ROBO1: variants seen among roughly 807,000 people sequenced by gnomAD.
The protein encoded by ROBO1 is roundabout homolog 1.
A neutral mutation model predicts 195.9 loss-of-function variants in ROBO1; 149 were observed. The observed-to-expected ratio is 0.76, with a 90% CI of 0.67 to 0.87. The LOEUF (loss-of-function observed/expected upper bound fraction) is 0.87. Among genes scored for constraint, ROBO1 ranks in the 40% least tolerant of loss-of-function variants. The pLI, the probability that ROBO1 is intolerant of heterozygous loss-of-function variation, is 0.00. For missense variants in ROBO1, 1,933 were observed against 2,068.3 expected, an observed-to-expected ratio of 0.93 and a Z score of 1.27; for synonymous variants, 816 against 733.2, an observed-to-expected ratio of 1.11 and a Z score of -1.82.
intron 1 of ROBO1, among the ~76,000 whole-genome samples, chr3:79,745,827 C>T (rs1703851126): frequency 6.6e-6 from 1 of 152,008 alleles, no homozygotes; most frequent in Admixed American, 6.6e-5. Context: ...GGCTTAAGGT[C>T]AAGTTAGTTT....
At chr3:79,210,385 C>T (rs2081947916) in intron 2 of ROBO1, among the ~76,000 whole-genome samples, 1 of 152,132 alleles carries the variant, frequency 6.6e-6, no homozygotes, top group African/African-American at 2.4e-5. Context: ...GCCAACTTAT[C>T]TTCAACAAAG....
intron 3 of ROBO1, among the ~76,000 whole-genome samples, chr3:79,116,039 T>C (rs376641749): frequency 2.0e-5 from 3 of 152,168 alleles, no homozygotes; most frequent in African/African-American, 7.2e-5. Flanking sequence ...AAGTAGTGTA[T>C]GTTTTGAACT....
intron 2 of ROBO1, among the ~76,000 whole-genome samples, chr3:79,569,214 A>C (rs1294441812): frequency 6.6e-6 from 1 of 152,200 alleles, no homozygotes; most frequent in Non-Finnish European, 1.5e-5. Flanking sequence ...CAATTTATTA[A>C]AGAACATTCC....
chr3:78,662,679 T>C (rs547973608), intron 14 of ROBO1, among the ~76,000 whole-genome samples: 2 of 152,262 alleles, frequency 1.3e-5, no homozygotes, highest in Non-Finnish European at 2.9e-5. Context: ...GTGATACAGA[T>C]GCCAGCAAGG....
chr3:79,014,854 A>C (rs1474001779), intron 3 of ROBO1, among the ~76,000 whole-genome samples: 1 of 152,236 alleles, frequency 6.6e-6, no homozygotes, highest in Non-Finnish European at 1.5e-5. Flanking sequence ...ATCTTTTATT[A>C]ACACAGATGA....
chr3:79,479,299 C>G lies in ROBO1; in HGVS notation c.88+110525G>C, dbSNP rs557069910. The stretch of plus-strand genomic sequence containing the variant: ...ATGAAACTGTTCCACCTCAGATTAT[C>G]AGGCATTAGTCGCATTCTCATAAGG... On this transcript the variant is annotated intron_variant, in intron 2 of 30. Coordinates refer to ENST00000464233, the MANE Select transcript of ROBO1 (RefSeq NM_002941.4). Among the ~76,000 whole-genome samples the G allele has an allele frequency of 5.9e-5, 9 of 152,262 alleles. No homozygotes were observed. The South Asian group carries it at 1.9e-3, about 32-fold the overall frequency.
At chr3:78,641,583 G>C (rs1705958703) in intron 21 of ROBO1, among the ~76,000 whole-genome samples, 1 of 152,112 alleles carries the variant, frequency 6.6e-6, no homozygotes. Context: ...TCTGCATCTA[G>C]TAATCTTTTG....
chr3:78,788,954 A>C (rs1345880254), intron 4 of ROBO1, among the ~76,000 whole-genome samples: 1 of 152,152 alleles, frequency 6.6e-6, no homozygotes, highest in African/African-American at 2.4e-5. Flanking sequence ...GGAGTGTAGA[A>C]AATTACCCCC....
At chr3:78,891,350 T>TG (rs1312872889) in intron 4 of ROBO1, among the ~76,000 whole-genome samples, 1 of 135,896 alleles carries the variant, frequency 7.4e-6, no homozygotes, top group East Asian at 2.0e-4. Flanking sequence ...AATACGCACA[T>TG]TTAAAAAAAA....
chr3:78,878,809 C>G (rs939055749), intron 4 of ROBO1, among the ~76,000 whole-genome samples: 1 of 152,092 alleles, frequency 6.6e-6, no homozygotes, highest in Non-Finnish European at 1.5e-5. Context: ...ATAGGAGATT[C>G]TGTAGACCAA....
chr3:79,708,859 C>G (rs1275233005), intron 1 of ROBO1, among the ~76,000 whole-genome samples: 1 of 152,026 alleles, frequency 6.6e-6, no homozygotes, highest in Admixed American at 6.6e-5. Flanking sequence ...AGAGCGAGTC[C>G]TTGTCTCAAA....
Position 79,143,630 on chromosome 3 carries a change from C to T in ROBO1, c.89-18091G>A, listed in dbSNP as rs562667198. ...TGCATCATGAAATTTATCCTGAATC[C>T]TACCATAAAAACTTTTCAAATTTTG... is the stretch of plus-strand genomic sequence containing the variant. On this transcript the variant is annotated intron_variant, in intron 2 of 30. Transcript: ENST00000464233. 2.6e-5 allele frequency among the ~76,000 whole-genome samples: 4 copies of T among 152,094 alleles called. No homozygotes were observed. In the East Asian group the frequency reaches 5.8e-4, roughly 22 times the overall value.
At chr3:79,639,523 T>G (rs565954235) in intron 1 of ROBO1, among the ~76,000 whole-genome samples, 1 of 152,304 alleles carries the variant, frequency 6.6e-6, no homozygotes, top group African/African-American at 2.4e-5. Flanking sequence ...AAGAATTTTC[T>G]CTATCTTTAA....
Position 78,616,067 on chromosome 3 carries a change from G to A in ROBO1, c.4283-1267C>T, listed in dbSNP as rs1001446932. Among the ~76,000 whole-genome samples, 104 of 152,084 alleles carry A rather than the reference G, an allele frequency of 6.8e-4. 1 individual carries two copies. The highest frequency in any genetic ancestry group is 2.4e-3 in the African/African-American group (100 of 41,412). ...ATATCCATGAAAACAGAGAATTAGGGCTGAGACTGAACCCATTATTCATTC... is the reference window on the plus strand; with the variant it reads ...ATATCCATGAAAACAGAGAATTAGGACTGAGACTGAACCCATTATTCATTC... On this transcript the variant is annotated intron_variant, in intron 27 of 30. Transcript: ENST00000464233.
chr3:79,253,748 G>A (rs1478850558), intron 2 of ROBO1, among the ~76,000 whole-genome samples: 1 of 152,218 alleles, frequency 6.6e-6, no homozygotes, highest in Non-Finnish European at 1.5e-5. Flanking sequence ...GAGGAAAAGA[G>A]AGAGAGTAGC....
intron 2 of ROBO1, among the ~76,000 whole-genome samples, chr3:79,383,713 T>C (rs1188710682): frequency 6.6e-6 from 1 of 152,108 alleles, no homozygotes; most frequent in African/African-American, 2.4e-5. Context: ...GCAAAATTCA[T>C]GTACTCAGTT....
At chr3:79,571,067 C>A (rs1943261932) in intron 2 of ROBO1, among the ~76,000 whole-genome samples, 1 of 152,010 alleles carries the variant, frequency 6.6e-6, no homozygotes, top group Non-Finnish European at 1.5e-5. Context: ...GTTATGCCTG[C>A]AGAGCTGGGT....
At chr3:78,787,264 T>C (rs1187566417) in intron 4 of ROBO1, among the ~76,000 whole-genome samples, 1 of 152,228 alleles carries the variant, frequency 6.6e-6, no homozygotes, top group Non-Finnish European at 1.5e-5. Context: ...TCAGTAATTA[T>C]ATAGGCATAT....
At chr3:78,609,379 C>T (rs916264668) in intron 28 of ROBO1, among the ~76,000 whole-genome samples, 12 of 152,108 alleles carry the variant, frequency 7.9e-5, no homozygotes, top group Non-Finnish European at 1.3e-4. Flanking sequence ...AGTCTCATAA[C>T]TGCAGGGAGC....
Sources: gnomAD v4.1 joint callset for allele counts (sites outside exome capture counted in the v4.1 genomes callset) on GRCh38, gnomAD v4.1.1 for gene constraint, MANE v1.5 for transcripts, NCBI Gene and HGNC (gene_info 2026-07-23, HGNC 2026-07-21) for gene names.